Variants in ASXL2 observed in about 807,000 individuals in gnomAD.
ASXL2 encodes ASXL transcriptional regulator 2, also known as putative Polycomb group protein ASXL2.
ASXL2 carries 23 observed loss-of-function variants against 122.0 expected under a neutral mutation model. That is an observed-to-expected ratio of 0.19 (90% CI 0.14 to 0.27). The LOEUF (loss-of-function observed/expected upper bound fraction) is 0.27, where lower values mean the gene tolerates loss of function less well. Ranked by LOEUF, ASXL2 falls within the 10% of genes least tolerant of loss-of-function variation. The pLI is 1.00. For missense variants in ASXL2, 1,518 were observed against 1,713.8 expected, an observed-to-expected ratio of 0.89 and a Z score of 2.02; for synonymous variants, 650 against 637.0, an observed-to-expected ratio of 1.02 and a Z score of -0.31.
chr2:25,828,489 A>T (rs1294467459), intron 3 of ASXL2, among the ~76,000 whole-genome samples: 1 of 144,624 alleles, frequency 6.9e-6, no homozygotes, highest in African/African-American at 2.6e-5. Context: ...CCTGGGCAAC[A>T]AAGAGCAAAA....
At chr2:25,783,933 A>T (rs2149163344) in intron 5 of ASXL2, among the ~76,000 whole-genome samples, 1 of 152,230 alleles carries the variant, frequency 6.6e-6, no homozygotes, top group East Asian at 1.9e-4. Context: ...ACATGCCTGT[A>T]ATCCCAGCTA....
At position 25,768,887 on chromosome 2, in the gene ASXL2, C is replaced by T. The variant is rs2088398977; in HGVS notation, c.505-19G>A. Reference sequence around the variant, plus strand: ...TTAGCGCCTATAAAGATAAAACAGACTATAAGAAACAAAACCAATCAGTTT... The same window carrying T: ...TTAGCGCCTATAAAGATAAAACAGATTATAAGAAACAAAACCAATCAGTTT... On this transcript the variant is annotated intron_variant, in intron 6 of 12. Coordinates refer to ENST00000435504, the MANE Select transcript of ASXL2 (RefSeq NM_018263.6). The T allele has an allele frequency of 1.2e-6, 2 of 1,608,426 alleles. No homozygotes were observed. The highest frequency in any genetic ancestry group is 1.7e-6 in the Non-Finnish European group (2 of 1,177,472).
At chr2:25,849,064 C>CATATATATATATATATATGTAATAT (rs139200567) in intron 1 of ASXL2, among the ~76,000 whole-genome samples, 1 of 86,516 alleles carries the variant, frequency 1.2e-5, no homozygotes, top group East Asian at 9.4e-4. Context: ...AAAAAATTTA[C>CATATATATATATATATATGTAATAT]ATATATATAT....
chr2:25,833,838 T>A (rs1292248368), intron 3 of ASXL2, among the ~76,000 whole-genome samples: 1 of 152,170 alleles, frequency 6.6e-6, no homozygotes, highest in East Asian at 1.9e-4. Flanking sequence ...AGTTTAACCT[T>A]GAGCAGAGTA....
chr2:25,845,050 T>C (rs544137618), intron 2 of ASXL2, among the ~76,000 whole-genome samples: 37 of 152,356 alleles, frequency 2.4e-4, no homozygotes, highest in African/African-American at 8.4e-4. Flanking sequence ...ATTTGACATA[T>C]ATACTGCTTT....
chr2:25,878,160 C>T lies in ASXL2; in HGVS notation c.57+6G>A. 1 of 1,613,962 alleles carries T rather than the reference C, an allele frequency of 6.2e-7. No individual in the cohort carries two copies. Among genetic ancestry groups the T allele is most frequent in the Admixed American group, 1.7e-5 (1 of 60,036 alleles). ...CCGGCCTTCCCCTTCGCTCCCTCCC[C>T]CTTACCGTCTTGGCGGCCTCCGCCC... is the stretch of plus-strand genomic sequence containing the variant. On this transcript the variant is annotated splice_donor_region_variant and intron_variant, in intron 1 of 12. Transcript: ENST00000435504.
chr2:25,775,614 T>C (rs1431929492), intron 5 of ASXL2, among the ~76,000 whole-genome samples: 1 of 152,152 alleles, frequency 6.6e-6, no homozygotes, highest in Non-Finnish European at 1.5e-5. Flanking sequence ...CGCTTCTCTC[T>C]CCTGCCACCA....
Position 25,750,170 on chromosome 2 carries a change from C to T in ASXL2, c.1386G>A (p.Glu462=), listed in dbSNP as rs761840268. Residue 462 remains glutamate (E), a synonymous_variant, in exon 12 of 13, where the codon GAG becomes GAA. Transcript: ENST00000435504. ...TATTGAGAGCTGAGGAAAGCAGGGG[C>T]TCTGAAGATGTGGAGAAGTTCGGCT... ...EVQPNFSTSS[E]PLLSSALNTH... 6.2e-7 allele frequency: 1 copy of T among 1,613,944 alleles called. No homozygotes were observed. The highest frequency in any genetic ancestry group is 1.7e-5 in the Admixed American group (1 of 60,014).
At chr2:25,765,459 G>C (rs538010196) in intron 8 of ASXL2, among the ~76,000 whole-genome samples, 97 of 151,780 alleles carry the variant, frequency 6.4e-4, no homozygotes, top group African/African-American at 2.2e-3. Flanking sequence ...GCACTCCCTG[G>C]GCAACAGAGC....
At chr2:25,800,346 G>A (rs2088976828) in intron 4 of ASXL2, among the ~76,000 whole-genome samples, 1 of 152,090 alleles carries the variant, frequency 6.6e-6, no homozygotes, top group Non-Finnish European at 1.5e-5. Flanking sequence ...GTCCATGTGT[G>A]TATGTAAGTA....
chr2:25,834,464 T>C (rs1432943260), intron 3 of ASXL2, among the ~76,000 whole-genome samples: 1 of 152,244 alleles, frequency 6.6e-6, no homozygotes, highest in Non-Finnish European at 1.5e-5. Context: ...TTTAACTTTG[T>C]AAGACCTTAA....
chr2:25,743,972 A>G lies in ASXL2; in HGVS notation c.2365T>C (p.Cys789Arg), dbSNP rs2087894626. The change falls in exon 13 of 13, where the codon TGC becomes CGC. Residue 789 changes from cysteine to arginine, a missense_variant. Physicochemically the swap from Cys to Arg is radical, Grantham distance 180. Transcript: ENST00000435504. ...TGGGCTGGTGATGGGACACTTGTGC[A>G]TGCTCCACTGACGGCAGGTGTTGGA... ...VPPTPAVSGA[C>R]TSVPSPAHIE... is the part of the protein sequence containing the mutation. The G allele has an allele frequency of 1.2e-6, 2 of 1,613,966 alleles. No homozygotes were observed. Among genetic ancestry groups the G allele is most frequent in the African/African-American group, 1.3e-5 (1 of 75,022 alleles).
At chr2:25,806,019 C>A (rs905580142) in intron 4 of ASXL2, among the ~76,000 whole-genome samples, 1 of 152,114 alleles carries the variant, frequency 6.6e-6, no homozygotes, top group Non-Finnish European at 1.5e-5. Flanking sequence ...AGATTATCAT[C>A]AAGAATAAAA....
rs565110158 is a variant in ASXL2, at chr2:25,771,525, G to A, written c.419C>T (p.Pro140Leu). Residue 140 changes from proline (P) to leucine (L), a missense_variant, in exon 6 of 13, where the codon CCG becomes CTG. Physicochemically the swap from Pro to Leu is moderately conservative, Grantham distance 98 (BLOSUM62 -3). Transcript: ENST00000435504. ...RWKRKVSSSS[P>L]QSGCPSPTIP... Reference sequence around the variant, plus strand: ...GGTGGGTGATGGGCAGCCTGACTGCGGGGAGGACGACGATACTAGGGAAAA... The same window carrying A: ...GGTGGGTGATGGGCAGCCTGACTGCAGGGAGGACGACGATACTAGGGAAAA... 90 of 1,611,796 alleles carry A rather than the reference G, an allele frequency of 5.6e-5. No homozygotes were observed. Among genetic ancestry groups the A allele is most frequent in the Admixed American group, 2.5e-4 (15 of 59,716 alleles).
intron 1 of ASXL2, among the ~76,000 whole-genome samples, chr2:25,858,936 C>A (rs1234356831): frequency 6.6e-6 from 1 of 151,080 alleles, no homozygotes; most frequent in Non-Finnish European, 1.5e-5. Context: ...GTCTCAGCCT[C>A]CCGAGTAGCT....
At chr2:25,877,840 T>G (rs552412711) in intron 1 of ASXL2, among the ~76,000 whole-genome samples, 19 of 152,126 alleles carry the variant, frequency 1.2e-4, no homozygotes, top group Admixed American at 8.5e-4. Flanking sequence ...CCGGTTACCG[T>G]GCAAGCACCA....
chr2:25,841,829 C>A (rs1413790874), intron 2 of ASXL2, among the ~76,000 whole-genome samples: 2 of 152,052 alleles, frequency 1.3e-5, no homozygotes. Flanking sequence ...CACCTGTAGT[C>A]CCAGCTACTC....
intron 2 of ASXL2, among the ~76,000 whole-genome samples, chr2:25,837,924 C>T (rs2149189576): frequency 6.9e-6 from 1 of 145,334 alleles, no homozygotes; most frequent in Middle Eastern, 3.7e-3. Flanking sequence ...CAAGACCAGC[C>T]TGAGCAACAT....
chr2:25,867,560 C>T (rs72801901), intron 1 of ASXL2, among the ~76,000 whole-genome samples: 15 of 152,312 alleles, frequency 9.8e-5, no homozygotes, highest in Non-Finnish European at 2.1e-4. Context: ...TATCTCCTCC[C>T]ACCAGTCTTT....
Sources: gnomAD v4.1 joint callset for allele counts (sites outside exome capture counted in the v4.1 genomes callset) on GRCh38, gnomAD v4.1.1 for gene constraint, MANE v1.5 for transcripts, NCBI Gene and HGNC (gene_info 2026-07-23, HGNC 2026-07-21) for gene names.